ZNF479: variants seen among roughly 807,000 people sequenced by gnomAD.
ZNF479 encodes the protein zinc finger protein 479.
In ZNF479, 15 loss-of-function variants were observed where a neutral mutation model predicts 14.7. The observed-to-expected ratio is 1.02, with a 90% CI of 0.68 to 1.57. The LOEUF (loss-of-function observed/expected upper bound fraction) is 1.57, where lower values mean the gene tolerates loss of function less well. Among genes scored for constraint, ZNF479 ranks in the 40% most tolerant of loss-of-function variants. The probability of loss-of-function intolerance (pLI) is 0.00; values close to 1 mark genes in which losing one functional copy is unlikely to be tolerated. For missense variants in ZNF479, 506 were observed against 615.1 expected, an observed-to-expected ratio of 0.82 and a Z score of 1.88; for synonymous variants, 145 against 211.5, an observed-to-expected ratio of 0.69 and a Z score of 2.73.
At position 57,127,002 on chromosome 7, in the gene ZNF479, C is replaced by T. The variant is rs1179498842; in HGVS notation, c.40-284G>A. 5.4e-5 allele frequency among the ~76,000 whole-genome samples: 8 copies of T among 147,344 alleles called. No individual in the cohort carries two copies. The Admixed American group carries it at 5.5e-4, about 10-fold the overall frequency. The stretch of plus-strand genomic sequence containing the variant: ...GGCATCAACATGGACATGTCTTTTT[C>T]TTTTCTGTTTTTCTTTTTTTTTTCT... On this transcript the variant is annotated intron_variant, in intron 1 of 3. Transcript: ENST00000319636.
upstream of ZNF479, among the ~76,000 whole-genome samples, chr7:57,136,695 T>A (rs980624163): frequency 2.0e-5 from 3 of 152,214 alleles, no homozygotes; most frequent in African/African-American, 7.2e-5. Context: ...AGCTGGGCTT[T>A]GCTGTCTCAC....
chr7:57,137,367 G>T (rs1254113255), upstream of ZNF479, among the ~76,000 whole-genome samples: 4 of 152,136 alleles, frequency 2.6e-5, no homozygotes, highest in Non-Finnish European at 5.9e-5. Context: ...GTTTCACTAT[G>T]TTGGTCAGGT....
In ZNF479 at chr7:57,132,372, T is replaced by C. The variant is rs760222193; in HGVS notation, c.-48A>G. On this transcript the variant is annotated 5_prime_UTR_variant, in exon 1 of 4. Transcript: ENST00000319636. ...CACAAGGACACATAGGCTTGGCCTCTAGGAGCAGAGGACACAGAGCAGTGA... is the reference window on the plus strand; with the variant it reads ...CACAAGGACACATAGGCTTGGCCTCCAGGAGCAGAGGACACAGAGCAGTGA... The C allele has an allele frequency of 4.3e-6, 7 of 1,613,764 alleles. No homozygotes were observed. The African/African-American group carries it at 8.0e-5, about 18-fold the overall frequency.
chr7:57,138,235 T>C (rs1786733212), intron 1 of ZNF479, among the ~76,000 whole-genome samples: 1 of 152,182 alleles, frequency 6.6e-6, no homozygotes, highest in South Asian at 2.1e-4. Context: ...ATTTTAACTC[T>C]TCTAGCTAGG....
At chr7:57,134,785 C>T (rs2115904502), upstream of ZNF479, among the ~76,000 whole-genome samples, 1 of 151,338 alleles carries the variant, frequency 6.6e-6, no homozygotes, top group East Asian at 2.0e-4. Context: ...AGAGATTCTC[C>T]TGCCTCAGCC....
intron 1 of ZNF479, among the ~76,000 whole-genome samples, chr7:57,129,519 C>T (rs1786327325): frequency 6.7e-6 from 1 of 150,080 alleles, no homozygotes; most frequent in African/African-American, 2.4e-5. Context: ...CCCTGAAATG[C>T]TATATTTTTG....
intron 3 of ZNF479, among the ~76,000 whole-genome samples, chr7:57,124,155 T>C (rs1371103437): frequency 6.6e-6 from 1 of 152,032 alleles, no homozygotes; most frequent in African/African-American, 2.4e-5. Context: ...AATTTTATTA[T>C]GAACCAAATC....
At chr7:57,133,524 C>T (rs1786522544), upstream of ZNF479, among the ~76,000 whole-genome samples, 1 of 152,126 alleles carries the variant, frequency 6.6e-6, no homozygotes, top group South Asian at 2.1e-4. Flanking sequence ...AAAATATAAG[C>T]CACATGTAAA....
In ZNF479 at chr7:57,119,453, C is replaced by T. The variant is rs1785805914; in HGVS notation, c.*387G>A. 7.9e-5 allele frequency among the ~76,000 whole-genome samples: 12 copies of T among 152,198 alleles called. 1 individual carries two copies. The South Asian group carries it at 2.3e-3, about 29-fold the overall frequency. On this transcript the variant is annotated 3_prime_UTR_variant, in exon 4 of 4. Coordinates refer to ENST00000319636, the MANE Select transcript of ZNF479 (RefSeq NM_001370129.2). ...TGAAACTCTATCTCTACTAAAAATA[C>T]ACAAATCAGCCAGTGTGGTGGCACA...
intron 3 of ZNF479, among the ~76,000 whole-genome samples, chr7:57,125,477 TGGGGGGA>T: frequency 6.6e-6 from 1 of 150,704 alleles, no homozygotes; most frequent in African/African-American, 2.4e-5. Flanking sequence ...CCACAGCAAG[TGGGGGGA>T]TAACCAAGCC....
chr7:57,121,174 A>G (rs781905271), intron 3 of ZNF479, 22 bp from the exon 4 acceptor site: 4 of 1,613,498 alleles, frequency 2.5e-6, no homozygotes, highest in Non-Finnish European at 3.4e-6. Context: ...AAAAAGCACA[A>G]GTTACTCCAC....
intron 1 of ZNF479, among the ~76,000 whole-genome samples, chr7:57,128,103 T>A (rs1410866398): frequency 6.6e-6 from 1 of 151,792 alleles, no homozygotes; most frequent in Non-Finnish European, 1.5e-5. Flanking sequence ...CCTGGCTAAT[T>A]TTTGTATTTT....
chr7:57,130,912 T>C (rs1296748926), intron 1 of ZNF479, among the ~76,000 whole-genome samples: 2 of 152,204 alleles, frequency 1.3e-5, no homozygotes, highest in Non-Finnish European at 2.9e-5. Flanking sequence ...CCACGAAATA[T>C]GATGCACTAT....
At position 57,120,553 on chromosome 7, in the gene ZNF479, T is replaced by C; in HGVS notation, c.862A>G (p.Lys288Glu). Residue 288 changes from lysine (K) to glutamate (E), a missense_variant, in exon 4 of 4, where the codon AAG becomes GAG. By Grantham distance (56) the Lys-to-Glu change is moderately conservative. Around this residue, in one of 3 missense-constraint regions of ZNF479, gnomAD observed 420 missense variants for 474.2 expected, o/e 0.89. Transcript: ENST00000319636. ...GGTCTCTCTCCAGTATGAATTCTCT[T>C]GTGGTTAGTAAGTGCTGAGGAGCGC... is the stretch of plus-strand genomic sequence containing the variant. Reference protein sequence around the residue: ...FRRSSALTNHKRIHTGERPYK... With the variant: ...FRRSSALTNHERIHTGERPYK... 1 of 1,613,844 alleles carries C rather than the reference T, an allele frequency of 6.2e-7. No individual in the cohort carries two copies. The highest frequency in any genetic ancestry group is 1.1e-5 in the South Asian group (1 of 91,070).
Position 57,126,631 on chromosome 7 carries a change from C to G in ZNF479, c.127G>C (p.Asp43His), listed in dbSNP as rs1448249427. 1.9e-6 allele frequency: 3 copies of G among 1,613,984 alleles called. No individual in the cohort carries two copies. Among genetic ancestry groups the G allele is most frequent in the Non-Finnish European group, 1.7e-6 (2 of 1,179,976 alleles). Residue 43 changes from aspartate to histidine, a missense_variant, in exon 2 of 4, where the codon GAT becomes CAT. This residue lies in a region of ZNF479 where 420 missense variants were observed against 474.2 expected (regional missense o/e 0.89). Transcript: ENST00000319636. ...TTTCTGTAGTTCTCTAACATCACAT[C>G]TCTATATAAATTCCGCTGAGCACAA... Reference protein sequence around the residue: ...LDCAQRNLYRDVMLENYRNLV... With the variant: ...LDCAQRNLYRHVMLENYRNLV...
intron 1 of ZNF479, among the ~76,000 whole-genome samples, chr7:57,138,391 T>C (rs1056576386): frequency 1.3e-5 from 2 of 152,232 alleles, no homozygotes; most frequent in Admixed American, 6.5e-5. Context: ...GTGAATCTTA[T>C]AGGCACACTT....
At chr7:57,137,195 G>T (rs964356172), upstream of ZNF479, among the ~76,000 whole-genome samples, 3 of 152,096 alleles carry the variant, frequency 2.0e-5, no homozygotes, top group Non-Finnish European at 2.9e-5. Flanking sequence ...GGAATGCAGC[G>T]GCACAATCTT....
At chr7:57,133,891 TA>T (rs1157220534), upstream of ZNF479, among the ~76,000 whole-genome samples, 2 of 152,072 alleles carry the variant, frequency 1.3e-5, no homozygotes, top group Non-Finnish European at 2.9e-5. Context: ...ACAGGTGGAA[TA>T]ACAGGTGGAA....
At chr7:57,132,447 A>C (rs1007304148), upstream of ZNF479, 16 of 1,456,722 alleles carry the variant, frequency 1.1e-5, no homozygotes, top group Non-Finnish European at 1.4e-5. Flanking sequence ...GACCCGCAAA[A>C]TTACGGAAGT....
Sources: gnomAD v4.1 joint callset for allele counts (sites outside exome capture counted in the v4.1 genomes callset) on GRCh38, gnomAD v4.1.1 for gene constraint, gnomAD v4.1.1 regional missense constraint, MANE v1.5 for transcripts, NCBI Gene and HGNC (gene_info 2026-07-23, HGNC 2026-07-21) for gene names.